The following SNW1 variants were observed in gnomAD, a reference collection of about 807,000 sequenced individuals.
SNW1 encodes the protein SNW domain-containing protein 1.
A neutral mutation model predicts 75.6 loss-of-function variants in SNW1; 9 were observed. The ratio of observed to expected loss-of-function variants is 0.12; its 90% CI spans 0.07 to 0.21. The LOEUF (loss-of-function observed/expected upper bound fraction) is 0.21, where lower values mean the gene tolerates loss of function less well. Ranked by LOEUF, SNW1 falls within the 10% of genes least tolerant of loss-of-function variation. The pLI is 1.00. For missense variants in SNW1, 409 were observed against 670.9 expected, an observed-to-expected ratio of 0.61 and a Z score of 4.31; for synonymous variants, 200 against 219.1, an observed-to-expected ratio of 0.91 and a Z score of 0.77.
intron 12 of SNW1, chr14:77,720,441 G>A: frequency 1.4e-6 from 1 of 695,568 alleles, no homozygotes; most frequent in Non-Finnish European, 2.6e-6. Flanking sequence ...GGCCTCCCTG[G>A]TTCTATTTTA....
chr14:77,760,918 C>G, intron 1 of SNW1, 196 bp downstream of exon 1: 2 of 1,292,578 alleles, frequency 1.5e-6, no homozygotes, highest in Non-Finnish European at 2.2e-6. Flanking sequence ...GAACTAAACC[C>G]GGGAAACCGC....
chr14:77,733,554 G>A (rs2080643912), intron 8 of SNW1, among the ~76,000 whole-genome samples: 2 of 151,888 alleles, frequency 1.3e-5, no homozygotes, highest in Admixed American at 6.6e-5. Context: ...AGACCAGCCT[G>A]GCAACATGGT....
At chr14:77,740,829 G>T (rs544044377) in intron 3 of SNW1, among the ~76,000 whole-genome samples, 397 of 152,110 alleles carry the variant, frequency 2.6e-3, no homozygotes, top group Non-Finnish European at 4.6e-3. Flanking sequence ...GGGCACGGTG[G>T]CTCACGCCTG....
chr14:77,739,627 A>C lies in SNW1; in HGVS notation c.331-566T>G, dbSNP rs562819521. 7.9e-5 allele frequency among the ~76,000 whole-genome samples: 12 copies of C among 152,108 alleles called. 1 individual carries two copies. In the South Asian group the frequency reaches 2.1e-3, roughly 26 times the overall value. ...GAAGACAAAAGAAAAAAAAAAAGAA[A>C]AAGAAAAATATATTCTATATATACA... On this transcript the variant is annotated intron_variant, in intron 3 of 13. Coordinates refer to ENST00000261531, the MANE Select transcript of SNW1 (RefSeq NM_012245.3).
At chr14:77,751,845 C>CACACACACACACACACCA (rs1555388654) in intron 2 of SNW1, among the ~76,000 whole-genome samples, 2 of 122,578 alleles carry the variant, frequency 1.6e-5, no homozygotes, top group South Asian at 4.8e-4. Context: ...CACACACACA[C>CACACACACACACACACCA]CACACACACA....
intron 3 of SNW1, among the ~76,000 whole-genome samples, chr14:77,750,069 T>TG (rs2080795499): frequency 6.6e-6 from 1 of 152,058 alleles, no homozygotes; most frequent in Admixed American, 6.6e-5. Flanking sequence ...GGCATGGTGG[T>TG]GCACACCTGT....
intron 10 of SNW1, among the ~76,000 whole-genome samples, chr14:77,727,728 G>A (rs1331395063): frequency 1.3e-5 from 2 of 152,106 alleles, no homozygotes; most frequent in Non-Finnish European, 2.9e-5. Context: ...TGCATCCTTG[G>A]GATGAAGGAT....
Position 77,720,699 on chromosome 14 carries a change from C to T in SNW1, c.1248+12G>A, listed in dbSNP as rs779702765. ...CATCAACACACACAATATGCTGTTCCTAAACTTGTACCTTGGATTGGTTGA... is the reference window on the plus strand; with the variant it reads ...CATCAACACACACAATATGCTGTTCTTAAACTTGTACCTTGGATTGGTTGA... On this transcript the variant is annotated intron_variant, in intron 12 of 13. Transcript: ENST00000261531. The T allele has an allele frequency of 4.5e-6, 7 of 1,550,730 alleles. No homozygotes were observed. The highest frequency in any genetic ancestry group is 5.3e-6 in the Non-Finnish European group (6 of 1,122,896).
Position 77,723,188 on chromosome 14 carries a change from C to A in SNW1, c.1123G>T (p.Asp375Tyr), listed in dbSNP as rs762368867. ...ATCTTAAATAACACCTACCTCTTAT[C>A]AGGAGCTGCCCTGGAAAGATTCCGG... ...HDRNLSRAAP[D>Y]KRSKLQRNEN... is the part of the protein sequence containing the mutation. Residue 375 changes from aspartate (D) to tyrosine (Y), a missense_variant, in exon 11 of 14, where the codon GAT (aspartate) becomes TAT (tyrosine). By Grantham distance (160) the Asp-to-Tyr change is radical. Coordinates refer to ENST00000261531, the MANE Select transcript of SNW1 (RefSeq NM_012245.3). 1.2e-6 allele frequency: 2 copies of A among 1,613,740 alleles called. No homozygotes were observed. Among genetic ancestry groups the A allele is most frequent in the Non-Finnish European group, 1.7e-6 (2 of 1,179,718 alleles).
intron 2 of SNW1, among the ~76,000 whole-genome samples, chr14:77,751,838 A>ACACACACACAC (rs962881056): frequency 9.6e-5 from 12 of 124,730 alleles, no homozygotes; most frequent in Non-Finnish European, 1.9e-4. Context: ...ACACACACAC[A>ACACACACACAC]CACACACCAC....
At chr14:77,726,035 G>A (rs979244223) in intron 10 of SNW1, among the ~76,000 whole-genome samples, 11 of 152,146 alleles carry the variant, frequency 7.2e-5, no homozygotes, top group African/African-American at 2.4e-4. Context: ...GGTTACTATA[G>A]CCTTGTAGTA....
intron 10 of SNW1, among the ~76,000 whole-genome samples, chr14:77,729,537 G>A (rs192807728): frequency 6.6e-6 from 1 of 152,224 alleles, no homozygotes; most frequent in East Asian, 1.9e-4. Context: ...AAAAATATAT[G>A]TTAGGGGAAA....
chr14:77,720,541 G>C lies in SNW1; in HGVS notation c.1248+170C>G, dbSNP rs768495774. 9.3e-6 allele frequency: 7 copies of C among 754,804 alleles called. No homozygotes were observed. In the South Asian group the frequency reaches 9.7e-5, roughly 10 times the overall value. The allele number at this position is 754,804 out of a possible 1,614,324, so 46.8% of individuals were successfully genotyped here. On this transcript the variant is annotated intron_variant, in intron 12 of 13. Coordinates refer to ENST00000261531, the MANE Select transcript of SNW1 (RefSeq NM_012245.3). Reference sequence around the variant, plus strand: ...TGTCTCAAATCTCAGCCCACTATAAGAAGTTAAAATCAGAACTGTTTCATC... The same window carrying C: ...TGTCTCAAATCTCAGCCCACTATAACAAGTTAAAATCAGAACTGTTTCATC...
chr14:77,743,485 C>T (rs192733571), intron 3 of SNW1, among the ~76,000 whole-genome samples: 1 of 152,302 alleles, frequency 6.6e-6, no homozygotes, highest in Non-Finnish European at 1.5e-5. Flanking sequence ...ATTAATATTT[C>T]AGTGAGAACT....
Position 77,736,997 on chromosome 14 carries a change from T to C in SNW1, c.612A>G (p.Lys204=). Residue 204 remains lysine, a synonymous_variant, in exon 6 of 14, where the codon AAA becomes AAG. Transcript: ENST00000261531. Reference sequence around the variant, plus strand: ...TGAACCTTGGAGGCTCCATTGGATCTTTCTGCATTTCTACCATCCGAATAA... The same window carrying C: ...TGAACCTTGGAGGCTCCATTGGATCCTTCTGCATTTCTACCATCCGAATAA... The part of the protein sequence containing the change: ...QRVIRMVEMQ[K]DPMEPPRFKI... 1 of 1,613,784 alleles carries C rather than the reference T, an allele frequency of 6.2e-7. No homozygotes were observed. The highest frequency in any genetic ancestry group is 8.5e-7 in the Non-Finnish European group (1 of 1,179,714).
intron 11 of SNW1, among the ~76,000 whole-genome samples, chr14:77,722,019 A>T (rs568799609): frequency 3.3e-5 from 5 of 152,338 alleles, no homozygotes; most frequent in African/African-American, 1.2e-4. Context: ...AAGTGCTGGG[A>T]TTACAGGTGT....
chr14:77,745,120 G>A (rs2080751619), intron 3 of SNW1, among the ~76,000 whole-genome samples: 1 of 152,082 alleles, frequency 6.6e-6, no homozygotes, highest in African/African-American at 2.4e-5. Flanking sequence ...ATAGTCAAAT[G>A]ATACAGATTA....
At chr14:77,755,159 CTCTT>C (rs771097337) in intron 1 of SNW1, 39 bp from the exon 2 acceptor site, 4 of 1,007,212 alleles carry the variant, frequency 4.0e-6, no homozygotes, top group Admixed American at 2.3e-5. Flanking sequence ...ATTTAAAAAA[CTCTT>C]ATGTTTAATT....
intron 3 of SNW1, 76 bp downstream of exon 3, chr14:77,751,243 A>G: frequency 7.1e-7 from 1 of 1,408,232 alleles, no homozygotes; most frequent in Non-Finnish European, 9.8e-7. Flanking sequence ...TCAAACAGCA[A>G]GAGATTTATC....
Sources: allele counts gnomAD v4.1 joint callset (sites outside exome capture counted in the v4.1 genomes callset), GRCh38; gene constraint gnomAD v4.1.1; transcripts MANE v1.5; gene names NCBI Gene and HGNC (gene_info 2026-07-23, HGNC 2026-07-21).